FCAMR: variants seen among roughly 807,000 people sequenced by gnomAD.
FCAMR encodes high affinity immunoglobulin alpha and immunoglobulin mu Fc receptor.
In FCAMR, 51 loss-of-function variants were observed where a neutral mutation model predicts 52.2. The observed-to-expected ratio is 0.98, with a 90% CI of 0.78 to 1.23. FCAMR has a LOEUF of 1.23. Among genes scored for constraint, FCAMR ranks in the 50% most tolerant of loss-of-function variants. The pLI is 0.00. For synonymous variants in FCAMR, 282 were observed against 262.0 expected (o/e 1.08, Z -0.74); for missense variants, 719 against 712.6 (o/e 1.01, Z -0.10).
Position 206,960,493 on chromosome 1 carries a change from G to A in FCAMR, c.1383C>T (p.Pro461=), listed in dbSNP as rs567428942. 8.5e-4 allele frequency: 1,314 copies of A among 1,550,080 alleles called. 16 individuals carry two copies. The South Asian group carries it at 0.013, about 15-fold the overall frequency. ...DLDAATGDRG[P]QATLSQTPAV... is the part of the protein sequence containing the mutation. ...CCGGGGTCTGGCTCAGTGTTGCTTG[G>A]GGACCTCTGTCTCCAGTGGCAGCAT... Residue 461 remains proline, a synonymous_variant, in exon 6 of 8, where the codon CCC becomes CCT. Transcript: ENST00000324852.
chr1:206,962,430 C>A lies in FCAMR; in HGVS notation c.435G>T (p.Leu145=). The A allele has an allele frequency of 2.5e-6, 4 of 1,614,142 alleles. No homozygotes were observed. Among genetic ancestry groups the A allele is most frequent in the Non-Finnish European group, 3.4e-6 (4 of 1,180,022 alleles). The change falls in exon 5 of 8, where the codon CTG becomes CTT. Residue 145 remains leucine, a synonymous_variant. Transcript: ENST00000324852. ...TCTGGCAGATCCATCTTGGGGGCCC[C>A]AGACGGCACCAGTACTTCCTCTGGT... ...NRHQRKYWCR[L]GPPRWICQTI...
chr1:206,959,690 C>T lies in FCAMR; in HGVS notation c.1562G>A (p.Arg521Lys), dbSNP rs201047919. The change falls in exon 7 of 8, where the codon AGA becomes AAA. Residue 521 changes from arginine (R) to lysine (K), a missense_variant. Transcript: ENST00000324852. Reference sequence around the variant, plus strand: ...GCTACTCAACTCACAGGTCCTCCTTCTCCAGAGCTTCCTTTGCAATAGAAC... The same window carrying T: ...GCTACTCAACTCACAGGTCCTCCTTTTCCAGAGCTTCCTTTGCAATAGAAC... ...ALVLLQRKLW[R>K]RRTSQEAERV... is the part of the protein sequence containing the mutation. 820 of 1,613,956 alleles carry T rather than the reference C, an allele frequency of 5.1e-4. 2 individuals are homozygous for T. Among genetic ancestry groups the T allele is most frequent in the Middle Eastern group, 4.3e-3 (26 of 6,050 alleles).
chr1:206,965,688 C>T (rs773929530), intron 4 of FCAMR, 27 bp downstream of exon 4: 6 of 1,534,502 alleles, frequency 3.9e-6, no homozygotes, highest in South Asian at 2.6e-5. Context: ...GGTCCATGGT[C>T]GAACAAAGGG....
In FCAMR at chr1:206,962,517, T is replaced by C; in HGVS notation, c.348A>G (p.Ser116=). ...PNSLKGSRLV[S]GEPGGAVTIQ... is the part of the protein sequence containing the mutation. ...TGGTGACAGCTCCTCCAGGCTCCCC[T>C]GACACCAGCCTTGAGCCCTTCAATG... Residue 116 remains serine, a synonymous_variant, in exon 5 of 8, where the codon TCA becomes TCG. Coordinates refer to ENST00000324852, the MANE Select transcript of FCAMR (RefSeq NM_001170631.2). 1 of 1,596,652 alleles carries C rather than the reference T, an allele frequency of 6.3e-7. No homozygotes were observed. The highest frequency in any genetic ancestry group is 8.6e-7 in the Non-Finnish European group (1 of 1,168,202).
intron 4 of FCAMR, among the ~76,000 whole-genome samples, chr1:206,963,078 G>C (rs892498411): frequency 2.0e-5 from 3 of 152,196 alleles, no homozygotes; most frequent in Middle Eastern, 3.2e-3. Flanking sequence ...GGTTTGCATG[G>C]AATGTAAAAG....
chr1:206,970,203 C>T lies in FCAMR; in HGVS notation c.-78G>A. On this transcript the variant is annotated 5_prime_UTR_variant, in exon 1 of 8. Coordinates refer to ENST00000324852, the MANE Select transcript of FCAMR (RefSeq NM_001170631.2). ...GGTGTTTGGACGACTTCTAGTTGCT[C>T]TCCTTTAAACCTGGAGACTGAGAAG... 1 of 1,541,254 alleles carries T rather than the reference C, an allele frequency of 6.5e-7. No homozygotes were observed. Among genetic ancestry groups the T allele is most frequent in the Non-Finnish European group, 8.9e-7 (1 of 1,117,538 alleles).
In FCAMR at chr1:206,960,525, C is replaced by A; in HGVS notation, c.1351G>T (p.Asp451Tyr). 1.3e-6 allele frequency: 2 copies of A among 1,551,654 alleles called. No individual in the cohort carries two copies. The highest frequency in any genetic ancestry group is 1.7e-6 in the Non-Finnish European group (2 of 1,146,976). Residue 451 changes from aspartate to tyrosine, a missense_variant, in exon 6 of 8, where the codon GAC becomes TAC. Asp to Tyr is a radical substitution (Grantham distance 160). Transcript: ENST00000324852. ...CTGTCTCCAGTGGCAGCATCTAGGT[C>A]CCCTGCAGCGCTTCCTTCCCCAGAT... ...AASGEGSAAGDLDAATGDRGP... is the reference protein window; with the variant it reads ...AASGEGSAAGYLDAATGDRGP...
rs61729352 is a variant in FCAMR at position 206,960,759 on chromosome 1, G to T, written c.1117C>A (p.Leu373Ile). Residue 373 changes from leucine to isoleucine, a missense_variant, in exon 6 of 8, where the codon CTA (leucine) becomes ATA (isoleucine). Physicochemically the swap from Leu to Ile is conservative, Grantham distance 5. Coordinates refer to ENST00000324852, the MANE Select transcript of FCAMR (RefSeq NM_001170631.2). ...AGAGCTGGTGGCCCAATGGTTCCTAGGACCTTTTTGGCTGCATCAAGAGCT... is the reference window on the plus strand; with the variant it reads ...AGAGCTGGTGGCCCAATGGTTCCTATGACCTTTTTGGCTGCATCAAGAGCT... ...RIALDAAKKV[L>I]GTIGPPALVS... 49,408 of 1,552,362 alleles carry T rather than the reference G, an allele frequency of 0.032. 954 individuals are homozygous for T. The highest frequency in any genetic ancestry group is 0.038 in the Non-Finnish European group (43,756 of 1,147,140).
intron 3 of FCAMR, 65 bp from the exon 4 acceptor site, chr1:206,965,923 A>G (rs1274124572): frequency 3.1e-6 from 5 of 1,606,046 alleles, no homozygotes; most frequent in Admixed American, 1.7e-5. Flanking sequence ...GCACCTACAG[A>G]GGAAGAAGCA....
chr1:206,958,576 C>T lies in FCAMR; in HGVS notation c.1674G>A (p.Gln558=), dbSNP rs374894378. The change falls in exon 8 of 8, where the codon CAG becomes CAA. Residue 558 remains glutamine (Q), a synonymous_variant. Coordinates refer to ENST00000324852, the MANE Select transcript of FCAMR (RefSeq NM_001170631.2). ...TGGCCCCAGCAGGAAGAGAGTCATCCTGGAGCATCTTTCTTTCCACATGGG... is the reference window on the plus strand; with the variant it reads ...TGGCCCCAGCAGGAAGAGAGTCATCTTGGAGCATCTTTCTTTCCACATGGG... ...QLPHVERKML[Q]DDSLPAGASL... 2 of 1,613,722 alleles carry T rather than the reference C, an allele frequency of 1.2e-6. No homozygotes were observed. Among genetic ancestry groups the T allele is most frequent in the Non-Finnish European group, 1.7e-6 (2 of 1,179,998 alleles).
intron 7 of FCAMR, 108 bp from the exon 8 acceptor site, chr1:206,958,784 A>G (rs757093230): frequency 2.0e-6 from 3 of 1,477,738 alleles, no homozygotes; most frequent in South Asian, 2.3e-5. Flanking sequence ...ACTTTCTGAC[A>G]CAGAAGCAAT....
At position 206,962,945 on chromosome 1, in the gene FCAMR, T is replaced by A. The variant is rs117384021; in HGVS notation, c.314-394A>T. On this transcript the variant is annotated intron_variant, in intron 4 of 7. Transcript: ENST00000324852. ...CTCACTGTAGATTTAGACAACACAG[T>A]CCAAACTATGCCACCAATGATAACA... Among the ~76,000 whole-genome samples the A allele has an allele frequency of 2.1e-3, 322 of 152,180 alleles. 5 individuals are homozygous for A. In the East Asian group the frequency reaches 0.055, roughly 26 times the overall value.
In FCAMR at chr1:206,959,671, C is replaced by G. The variant is rs767560218; in HGVS notation, c.1573+8G>C. 1.6e-5 allele frequency: 25 copies of G among 1,610,588 alleles called. No individual in the cohort carries two copies. The East Asian group carries it at 5.3e-4, about 34-fold the overall frequency. On this transcript the variant is annotated splice_region_variant and intron_variant, in intron 7 of 7. Transcript: ENST00000324852. ...TCTTCTATCTAGCCTTGGGGCTACT[C>G]AACTCACAGGTCCTCCTTCTCCAGA...
In FCAMR at chr1:206,958,482, C is replaced by G; in HGVS notation, c.*34G>C. 6.3e-7 allele frequency: 1 copy of G among 1,581,198 alleles called. No homozygotes were observed. The highest frequency in any genetic ancestry group is 1.3e-5 in the African/African-American group (1 of 74,082). On this transcript the variant is annotated 3_prime_UTR_variant, in exon 8 of 8. Coordinates refer to ENST00000324852, the MANE Select transcript of FCAMR (RefSeq NM_001170631.2). The stretch of plus-strand genomic sequence containing the variant: ...GAAGGCCTTTGATCTTGGTCCTTCT[C>G]CCATGGTAACTGAGCAGTTCATCTC...
At chr1:206,964,541 T>C (rs1305797546) in intron 4 of FCAMR, among the ~76,000 whole-genome samples, 1 of 152,002 alleles carries the variant, frequency 6.6e-6, no homozygotes, top group African/African-American at 2.4e-5. Context: ...TATTTCTCAG[T>C]TCACATGAGA....
chr1:206,966,941 G>A, intron 3 of FCAMR, 111 bp downstream of exon 3: 1 of 1,006,444 alleles, frequency 9.9e-7, no homozygotes. Flanking sequence ...TCTGAGCATG[G>A]TTTATACCTG....
Position 206,970,291 on chromosome 1 carries a change from C to T in FCAMR, c.-166G>A. 1.6e-6 allele frequency: 1 copy of T among 640,254 alleles called. No individual in the cohort carries two copies. Among genetic ancestry groups the T allele is most frequent in the Non-Finnish European group, 2.7e-6 (1 of 369,842 alleles). 39.7% of individuals were successfully genotyped at this position (640,254 alleles called of 1,614,324 possible). On this transcript the variant is annotated 5_prime_UTR_variant, in exon 1 of 8. Coordinates refer to ENST00000324852, the MANE Select transcript of FCAMR (RefSeq NM_001170631.2). ...CGGAAGGTCGGGGTGCAAGGCGTAG[C>T]TCTGCCACTCACCTCAAGTCACTTC...
rs1208698027 is a variant in FCAMR at position 206,967,058 on chromosome 1, G to T, written c.163C>A (p.Leu55Ile). 1 of 1,613,878 alleles carries T rather than the reference G, an allele frequency of 6.2e-7. No individual in the cohort carries two copies. Residue 55 changes from leucine (L) to isoleucine (I), a missense_variant, in exon 3 of 8, where the codon CTA becomes ATA. Leu to Ile is a conservative substitution (Grantham distance 5). Transcript: ENST00000324852. ...GGCTGGGTTTGGGACTCACCTTGTA[G>T]CAGGCACAGTATGAGGAAGAGGGGC... Reference protein sequence around the residue: ...KMPLFLILCLLQGSSFALPQK... With the variant: ...KMPLFLILCLIQGSSFALPQK...
In FCAMR at chr1:206,962,504, C is replaced by A. The variant is rs1354895760; in HGVS notation, c.361G>T (p.Gly121Ter). The change falls in exon 5 of 8, where the codon GGA (glycine) becomes TGA (stop). Residue 121 changes from glycine (G) to a stop codon, truncating the protein, a stop_gained. Coordinates refer to ENST00000324852, the MANE Select transcript of FCAMR (RefSeq NM_001170631.2). LOFTEE classifies it high-confidence loss of function. ...GSRLVSGEPG[G>*]AVTIQCHYAP... is the part of the protein sequence containing the mutation. ...TAATGGCACTGGATGGTGACAGCTC[C>A]TCCAGGCTCCCCTGACACCAGCCTT... The A allele has an allele frequency of 1.2e-6, 2 of 1,602,122 alleles. No homozygotes were observed. The highest frequency in any genetic ancestry group is 1.7e-6 in the Non-Finnish European group (2 of 1,171,212).
Sources: gnomAD v4.1 joint callset for allele counts (sites outside exome capture counted in the v4.1 genomes callset) on GRCh38, gnomAD v4.1.1 for gene constraint, MANE v1.5 for transcripts, NCBI Gene and HGNC (gene_info 2026-07-23, HGNC 2026-07-21) for gene names.